The following SLC22A14 variants were observed in gnomAD, a reference collection of about 807,000 sequenced individuals.
The protein encoded by SLC22A14 is organic cation transporter-like 4.
SLC22A14 carries 50 observed loss-of-function variants against 53.9 expected under a neutral mutation model. The observed-to-expected ratio is 0.93, with a 90% CI of 0.74 to 1.17. The LOEUF (loss-of-function observed/expected upper bound fraction) is 1.17. Ranked by LOEUF, SLC22A14 falls within the 50% of genes most tolerant of loss-of-function variation. SLC22A14 has a pLI of 0.00. For synonymous variants in SLC22A14, 312 were observed against 303.0 expected (o/e 1.03, Z -0.31); for missense variants, 671 against 734.7 (o/e 0.91, Z 1.00).
chr3:38,281,956 G>C (rs1344869732), upstream of SLC22A14, among the ~76,000 whole-genome samples: 1 of 152,230 alleles, frequency 6.6e-6, no homozygotes, highest in Non-Finnish European at 1.5e-5. Flanking sequence ...GTTGGCAGGG[G>C]AGTGTCACGG....
In SLC22A14 at chr3:38,313,037, G is replaced by A. The variant is rs1218320548; in HGVS notation, c.983G>A (p.Gly328Glu). ...PESPRWLMMK[G>E]KVKEAKQVLC... ...TCCCCGCGGTGGCTGATGATGAAAGGGAAGGTGAAGGAGGCCAAGCAGGTG... is the reference window on the plus strand; with the variant it reads ...TCCCCGCGGTGGCTGATGATGAAAGAGAAGGTGAAGGAGGCCAAGCAGGTG... Residue 328 changes from glycine (G) to glutamate (E), a missense_variant, in exon 6 of 11, where the codon GGG (glycine) becomes GAG (glutamate). Gly to Glu is a moderately conservative substitution (Grantham distance 98). Transcript: ENST00000448498. 3.8e-6 allele frequency: 6 copies of A among 1,593,294 alleles called. No homozygotes were observed. The Admixed American group carries it at 1.1e-4, about 29-fold the overall frequency.
intron 1 of SLC22A14, among the ~76,000 whole-genome samples, chr3:38,295,790 C>G (rs1172880243): frequency 1.3e-5 from 2 of 151,468 alleles, no homozygotes; most frequent in Non-Finnish European, 2.9e-5. Context: ...CTGTCTGTCT[C>G]TCTCTCTGTC....
At chr3:38,317,273 C>T (rs1704649457) in intron 10 of SLC22A14, among the ~76,000 whole-genome samples, 1 of 152,234 alleles carries the variant, frequency 6.6e-6, no homozygotes, top group Admixed American at 6.5e-5. Flanking sequence ...GCCCTCCCTC[C>T]CTGCTCTCAC....
At chr3:38,298,791 G>C (rs1704098387) in intron 1 of SLC22A14, among the ~76,000 whole-genome samples, 1 of 152,104 alleles carries the variant, frequency 6.6e-6, no homozygotes, top group South Asian at 2.1e-4. Context: ...CCTGACCTCA[G>C]GTGATCCACC....
In SLC22A14 at chr3:38,318,210, G is replaced by T. The variant is rs1290928439; in HGVS notation, c.1746G>T (p.Lys582Asn). 3.1e-6 allele frequency: 5 copies of T among 1,613,926 alleles called. No homozygotes were observed. Among genetic ancestry groups the T allele is most frequent in the African/African-American group, 2.7e-5 (2 of 74,934 alleles). The change falls in exon 11 of 11, where the codon AAG becomes AAT. Residue 582 changes from lysine to asparagine, a missense_variant. Lys to Asn is a moderately conservative substitution (Grantham distance 94). Coordinates refer to ENST00000448498, the MANE Select transcript of SLC22A14 (RefSeq NM_001320033.2). The part of the protein sequence containing the change: ...NHSSQIRNKV[K>N]DMKTKETSSD... ...ATGGCTCTTTCAGGAATAAGGTCAA[G>T]GACATGAAGACTAAGGAAACATCAT...
At chr3:38,313,507 G>T in intron 7 of SLC22A14, 22 bp downstream of exon 7, 1 of 1,526,512 alleles carries the variant, frequency 6.6e-7, no homozygotes, top group Non-Finnish European at 9.1e-7. Context: ...GGGCTCGCTG[G>T]CAGGGACTGC....
chr3:38,312,106 C>G (rs1704483813), intron 5 of SLC22A14, among the ~76,000 whole-genome samples: 1 of 152,204 alleles, frequency 6.6e-6, no homozygotes, highest in East Asian at 1.9e-4. Flanking sequence ...TTTATGGCAA[C>G]CAGCCAGAGT....
intron 9 of SLC22A14, 107 bp from the exon 10 acceptor site, chr3:38,316,217 T>C (rs553915887): frequency 4.3e-6 from 4 of 928,884 alleles, no homozygotes; most frequent in Non-Finnish European, 6.8e-6. Flanking sequence ...ACAATGAGGA[T>C]GGGACAGGGT....
Position 38,300,078 on chromosome 3 carries a change from A to G in SLC22A14, c.1-5949A>G, listed in dbSNP as rs145343293. ...AAGTAAGTGTATACATAGTTTTTTA[A>G]GTGTATCAGTGGTCTGTAAGACTGC... On this transcript the variant is annotated intron_variant, in intron 1 of 10. Transcript: ENST00000448498. Among the ~76,000 whole-genome samples, 1,119 of 152,268 alleles carry G rather than the reference A, an allele frequency of 7.3e-3. 5 individuals carry two copies. The highest frequency in any genetic ancestry group is 0.012 in the Non-Finnish European group (824 of 68,026).
At chr3:38,295,393 T>G (rs1042588084) in intron 1 of SLC22A14, among the ~76,000 whole-genome samples, 3 of 152,268 alleles carry the variant, frequency 2.0e-5, no homozygotes, top group African/African-American at 7.2e-5. Context: ...GTTACTTTTC[T>G]ACTTTCTTCT....
chr3:38,315,768 C>G lies in SLC22A14; in HGVS notation c.1532+57C>G, dbSNP rs1197573415. 1.9e-6 allele frequency: 3 copies of G among 1,541,850 alleles called. No individual in the cohort carries two copies. The African/African-American group carries it at 4.1e-5, about 21-fold the overall frequency. On this transcript the variant is annotated intron_variant, in intron 9 of 10. Coordinates refer to ENST00000448498, the MANE Select transcript of SLC22A14 (RefSeq NM_001320033.2). Reference sequence around the variant, plus strand: ...GGACATGCGCAGGGAGTGACAATGACAAGATTAATGCAGCAACTAAGACAA... The same window carrying G: ...GGACATGCGCAGGGAGTGACAATGAGAAGATTAATGCAGCAACTAAGACAA...
intron 1 of SLC22A14, among the ~76,000 whole-genome samples, chr3:38,300,347 G>A (rs1237303405): frequency 6.6e-6 from 1 of 152,156 alleles, no homozygotes; most frequent in Non-Finnish European, 1.5e-5. Flanking sequence ...GCCTGAGGTA[G>A]GAGCATCACT....
chr3:38,313,624 C>T (rs1704535095), intron 7 of SLC22A14, 103 bp from the exon 8 acceptor site: 3 of 942,588 alleles, frequency 3.2e-6, no homozygotes, highest in African/African-American at 1.7e-5. Flanking sequence ...TATTTCTCTC[C>T]TCCGTTCCTA....
chr3:38,305,960 C>T (rs1047392791), intron 1 of SLC22A14, 67 bp from the exon 2 acceptor site: 2 of 1,504,200 alleles, frequency 1.3e-6, no homozygotes, highest in African/African-American at 2.8e-5. Context: ...CGGTGGCTCC[C>T]ATGCTGGTCT....
Position 38,307,475 on chromosome 3 carries a change from T to C in SLC22A14, c.621-91T>C, listed in dbSNP as rs369500958. ...AGGGTAGGGGTTCTCCAGGGACCCATGGATGGCTCAGGGCCTGGCCCAGGT... is the reference window on the plus strand; with the variant it reads ...AGGGTAGGGGTTCTCCAGGGACCCACGGATGGCTCAGGGCCTGGCCCAGGT... On this transcript the variant is annotated intron_variant, in intron 3 of 10. Coordinates refer to ENST00000448498, the MANE Select transcript of SLC22A14 (RefSeq NM_001320033.2). This position sits in a 1 kb window ranked among gnomAD's most constrained non-coding sequence, Gnocchi z 4.4. 45 of 1,576,566 alleles carry C rather than the reference T, an allele frequency of 2.9e-5. No individual in the cohort carries two copies. The South Asian group carries it at 4.8e-4, about 17-fold the overall frequency.
rs752870225 is a variant in SLC22A14 at position 38,307,605 on chromosome 3, G to A, written c.660G>A (p.Gly220=). Residue 220 remains glycine, a synonymous_variant, in exon 4 of 11, where the codon GGG becomes GGA. Coordinates refer to ENST00000448498, the MANE Select transcript of SLC22A14 (RefSeq NM_001320033.2). The surrounding 1 kb of genome is among the most constrained non-coding windows in gnomAD (Gnocchi z 4.4). The part of the protein sequence containing the change: ...RYPAILLSLL[G]LIIFGFGTAF... Reference sequence around the variant, plus strand: ...CTGCCATCCTGCTGTCACTGCTGGGGCTGATCATCTTCGGCTTTGGGACAG... The same window carrying A: ...CTGCCATCCTGCTGTCACTGCTGGGACTGATCATCTTCGGCTTTGGGACAG... The A allele has an allele frequency of 1.2e-6, 2 of 1,614,106 alleles. No individual in the cohort carries two copies. The highest frequency in any genetic ancestry group is 1.7e-6 in the Non-Finnish European group (2 of 1,180,054).
rs869075248 is a variant in SLC22A14 at position 38,307,655 on chromosome 3, AT to A, written c.713del (p.Leu238CysfsTer26). 6.2e-7 allele frequency: 1 copy of A among 1,614,142 alleles called. No homozygotes were observed. The highest frequency in any genetic ancestry group is 8.5e-7 in the Non-Finnish European group (1 of 1,180,020). On this transcript the variant is annotated frameshift_variant, in exon 4 of 11. Transcript: ENST00000448498. LOFTEE classifies it high-confidence loss of function. This position sits in a 1 kb window ranked among gnomAD's most constrained non-coding sequence, Gnocchi z 4.4. ...GTAFMNSFHL[Y>X]LFFRFGISQS... ...GCCTTCATGAACAGCTTTCACCTGT[AT>A]TTGTTCTTTCGCTTTGGCATCTCGC...
intron 7 of SLC22A14, 30 bp downstream of exon 7, chr3:38,313,515 T>C: frequency 1.4e-6 from 2 of 1,443,358 alleles, no homozygotes; most frequent in Non-Finnish European, 2.0e-6. Flanking sequence ...TGGCAGGGAC[T>C]GCGAACAGGT....
intron 1 of SLC22A14, among the ~76,000 whole-genome samples, chr3:38,296,049 C>A (rs1029235578): frequency 3.9e-5 from 6 of 152,154 alleles, no homozygotes; most frequent in African/African-American, 1.2e-4. Flanking sequence ...AAGTCTGAAC[C>A]ATTAGTACCT....
Sources: allele counts gnomAD v4.1 joint callset (sites outside exome capture counted in the v4.1 genomes callset), GRCh38; gene constraint gnomAD v4.1.1; non-coding constraint Gnocchi (gnomAD v3.1); transcripts MANE v1.5; gene names NCBI Gene and HGNC (gene_info 2026-07-23, HGNC 2026-07-21).